DLGAP1: variants seen among roughly 807,000 people sequenced by gnomAD.
DLGAP1 encodes the protein DLG associated protein 1.
A neutral mutation model predicts 90.8 loss-of-function variants in DLGAP1; 11 were observed. The ratio of observed to expected loss-of-function variants is 0.12; its 90% CI spans 0.08 to 0.20. DLGAP1 has a LOEUF of 0.20. DLGAP1 is among the 10% of genes least tolerant of loss of function. The probability of loss-of-function intolerance (pLI) is 1.00; values close to 1 mark genes in which losing one functional copy is unlikely to be tolerated. For missense variants in DLGAP1, 1,050 were observed against 1,333.8 expected (o/e 0.79, Z 3.31); for synonymous variants, 558 against 540.7 (o/e 1.03, Z -0.44).
At chr18:3,815,529 C>T (rs1052704137) in intron 4 of DLGAP1, among the ~76,000 whole-genome samples, 3 of 152,174 alleles carry the variant, frequency 2.0e-5, no homozygotes, top group Non-Finnish European at 4.4e-5. Flanking sequence ...TTTCCTTTTG[C>T]TTTGCTGGAT....
intron 7 of DLGAP1, among the ~76,000 whole-genome samples, chr18:3,632,681 G>A (rs1012592328): frequency 2.0e-5 from 3 of 152,178 alleles, no homozygotes; most frequent in Middle Eastern, 3.4e-3. Flanking sequence ...TGTATGCTTG[G>A]TTATTTTTGA....
chr18:4,077,896 C>T (rs2075547808), intron 2 of DLGAP1, among the ~76,000 whole-genome samples: 1 of 152,152 alleles, frequency 6.6e-6, no homozygotes, highest in South Asian at 2.1e-4. Flanking sequence ...GCACTCGGTA[C>T]TCAAGAGCTC....
In DLGAP1 at chr18:4,377,395, G is replaced by A. The variant is rs1168727856; in HGVS notation, c.-267+77611C>T. On this transcript the variant is annotated intron_variant, in intron 1 of 12. Coordinates refer to ENST00000315677, the MANE Select transcript of DLGAP1 (RefSeq NM_004746.4). ...GCTAATTTTCTTATGAAAATACATT[G>A]CTTAAAAATGTCAAGTATTTATAAA... Among the ~76,000 whole-genome samples the A allele has an allele frequency of 3.9e-5, 6 of 152,190 alleles. No homozygotes were observed. In the East Asian group the frequency reaches 7.7e-4, roughly 20 times the overall value.
At chr18:4,096,178 A>T (rs1462752462) in intron 2 of DLGAP1, among the ~76,000 whole-genome samples, 2 of 152,056 alleles carry the variant, frequency 1.3e-5, no homozygotes, top group African/African-American at 2.4e-5. Flanking sequence ...GGTGTGTGCC[A>T]CTACGCTTGG....
intron 3 of DLGAP1, among the ~76,000 whole-genome samples, chr18:3,889,277 AAGG>A (rs1300239472): frequency 6.6e-6 from 1 of 152,208 alleles, no homozygotes; most frequent in Non-Finnish European, 1.5e-5. Flanking sequence ...ACAACTTGAA[AAGG>A]AGCAGTGGAA....
intron 7 of DLGAP1, among the ~76,000 whole-genome samples, chr18:3,667,724 T>C (rs1040796491): frequency 9.9e-5 from 15 of 152,274 alleles, no homozygotes; most frequent in African/African-American, 3.4e-4. Context: ...TGCTGGGGCC[T>C]GAGAGGGTCC....
intron 4 of DLGAP1, among the ~76,000 whole-genome samples, chr18:3,818,116 GGATT>G (rs1247466540): frequency 6.6e-6 from 1 of 152,062 alleles, no homozygotes; most frequent in Admixed American, 6.6e-5. Context: ...TGAGAAAAAA[GGATT>G]AATTGCTTTT....
chr18:4,216,295 C>G (rs955047192), intron 1 of DLGAP1, among the ~76,000 whole-genome samples: 6 of 151,762 alleles, frequency 4.0e-5, no homozygotes, highest in Non-Finnish European at 7.4e-5. Context: ...TAAATTACCC[C>G]CCCCCCACCA....
rs981759091 is a variant in DLGAP1, at chr18:3,987,968, G to A, written c.-73+17148C>T. ...ATGGACCAGGGCGGGGGATGGTTTC[G>A]GGATGATTCAAGCCCATTACATTTA... On this transcript the variant is annotated intron_variant, in intron 3 of 12. Transcript: ENST00000315677. 5.3e-5 allele frequency among the ~76,000 whole-genome samples: 8 copies of A among 151,960 alleles called. No homozygotes were observed. The East Asian group carries it at 1.2e-3, about 22-fold the overall frequency.
At chr18:4,444,725 G>A (rs1032761351) in intron 1 of DLGAP1, among the ~76,000 whole-genome samples, 1 of 152,136 alleles carries the variant, frequency 6.6e-6, no homozygotes, top group Admixed American at 6.5e-5. Context: ...GTAAAAAGAT[G>A]GTTGGCAGAT....
intron 10 of DLGAP1, among the ~76,000 whole-genome samples, chr18:3,512,022 G>C (rs1038620567): frequency 2.0e-5 from 3 of 151,254 alleles, no homozygotes; most frequent in Non-Finnish European, 4.4e-5. Flanking sequence ...GGGTTTTAAA[G>C]CTCTATGGGT....
chr18:3,568,861 T>C (rs1333276030), intron 8 of DLGAP1, among the ~76,000 whole-genome samples: 1 of 151,500 alleles, frequency 6.6e-6, no homozygotes, highest in African/African-American at 2.4e-5. Context: ...TAATTTTTTA[T>C]ATTTTTAGTA....
intron 7 of DLGAP1, among the ~76,000 whole-genome samples, chr18:3,626,513 G>C (rs1297476886): frequency 1.3e-5 from 2 of 150,710 alleles, no homozygotes; most frequent in African/African-American, 4.9e-5. Context: ...AGGATCACTT[G>C]AATGTGGGGG....
chr18:4,392,136 C>T (rs574969208), intron 1 of DLGAP1, among the ~76,000 whole-genome samples: 2 of 152,204 alleles, frequency 1.3e-5, no homozygotes, highest in South Asian at 2.1e-4. Context: ...TCATAAAAAA[C>T]GGATTCCAGA....
intron 7 of DLGAP1, among the ~76,000 whole-genome samples, chr18:3,717,693 C>T (rs989936831): frequency 1.8e-4 from 27 of 152,162 alleles, no homozygotes; most frequent in African/African-American, 6.5e-4. Context: ...AAAGCTACAG[C>T]GTTCACTGGA....
intron 1 of DLGAP1, among the ~76,000 whole-genome samples, chr18:4,426,372 GCCTTCT>G (rs1341323148): frequency 2.0e-5 from 3 of 152,194 alleles, no homozygotes; most frequent in African/African-American, 7.2e-5. Context: ...AGTCCAGAAT[GCCTTCT>G]CTTAAATACA....
Position 3,694,939 on chromosome 18 carries a change from GTTTT to G in DLGAP1, c.1591+34192_1591+34195del, listed in dbSNP as rs1219198458. Among the ~76,000 whole-genome samples the G allele has an allele frequency of 4.8e-3, 603 of 125,304 alleles. 7 individuals carry two copies. The highest frequency in any genetic ancestry group is 0.017 in the African/African-American group (583 of 34,370). 82.2% of individuals were successfully genotyped at this position (125,304 alleles called of 152,430 possible). A position where few individuals can be genotyped will look rare whatever the true frequency, so the allele number is the denominator to read the frequency against. On this transcript the variant is annotated intron_variant, in intron 7 of 12. Transcript: ENST00000315677. ...CCCTATTGCTTTTGGTGTTTTTTTTGTTTTTTTTTTTTTTTTTTGAGACAGAGTC... is the reference window on the plus strand; with the variant it reads ...CCCTATTGCTTTTGGTGTTTTTTTTGTTTTTTTTTTTTTTGAGACAGAGTC...
intron 2 of DLGAP1, among the ~76,000 whole-genome samples, chr18:4,136,910 T>A (rs1380739225): frequency 2.6e-5 from 4 of 152,118 alleles, no homozygotes; most frequent in African/African-American, 4.8e-5. Flanking sequence ...ATGTGGTTTT[T>A]TTATTATACT....
chr18:3,509,700 G>A (rs757508474), intron 10 of DLGAP1, among the ~76,000 whole-genome samples: 2 of 152,158 alleles, frequency 1.3e-5, no homozygotes, highest in Non-Finnish European at 2.9e-5. Context: ...CCAGGTACCC[G>A]AGTGGAATAA....
Sources: allele counts gnomAD v4.1 joint callset (sites outside exome capture counted in the v4.1 genomes callset), GRCh38; gene constraint gnomAD v4.1.1; transcripts MANE v1.5; gene names NCBI Gene and HGNC (gene_info 2026-07-23, HGNC 2026-07-21).